PSMD11: variants seen among roughly 807,000 people sequenced by gnomAD.
The protein encoded by PSMD11 is 26S proteasome non-ATPase regulatory subunit 11.
PSMD11 carries 5 observed loss-of-function variants against 62.3 expected under a neutral mutation model. The ratio of observed to expected loss-of-function variants is 0.08; its 90% CI spans 0.04 to 0.17. The LOEUF (loss-of-function observed/expected upper bound fraction) is 0.17, where lower values mean the gene tolerates loss of function less well. PSMD11 is among the 10% of genes least tolerant of loss of function. The pLI is 1.00. For missense variants in PSMD11, 310 were observed against 512.9 expected, an observed-to-expected ratio of 0.60 and a Z score of 3.82; for synonymous variants, 191 against 191.8, an observed-to-expected ratio of 1.00 and a Z score of 0.03.
At chr17:32,466,459 A>G (rs548454077) in intron 5 of PSMD11, among the ~76,000 whole-genome samples, 28 of 152,312 alleles carry the variant, frequency 1.8e-4, no homozygotes, top group Non-Finnish European at 3.1e-4. Context: ...TTCACGTAGC[A>G]TTATGTTTTC....
At chr17:32,444,661 C>A (rs2150826566) in intron 1 of PSMD11, 47 bp downstream of exon 1, 1 of 1,603,624 alleles carries the variant, frequency 6.2e-7, no homozygotes, top group East Asian at 2.3e-5. Flanking sequence ...CCCAGCTCGG[C>A]TTATGTCGGT....
rs1419839284 is a variant in PSMD11 at position 32,482,165 on chromosome 17, G to A, written c.*1413G>A. ...TTATATTTTGTAAAAGGATTTTGTT[G>A]TACCAGGTTTTGCATCCTCACTGAA... is the stretch of plus-strand genomic sequence containing the variant. On this transcript the variant is annotated 3_prime_UTR_variant, in exon 14 of 14. Transcript: ENST00000261712. 6.6e-6 allele frequency: 1 copy of A among 151,408 alleles called. No individual in the cohort carries two copies. The highest frequency in any genetic ancestry group is 2.4e-5 in the African/African-American group (1 of 41,116). 9.4% of individuals were successfully genotyped at this position (151,408 alleles called of 1,614,324 possible).
chr17:32,474,781 C>T lies in PSMD11; in HGVS notation c.806C>T (p.Ala269Val). 1 of 1,614,106 alleles carries T rather than the reference C, an allele frequency of 6.2e-7. No individual in the cohort carries two copies. Among genetic ancestry groups the T allele is most frequent in the Non-Finnish European group, 8.5e-7 (1 of 1,179,992 alleles). The change falls in exon 8 of 14, where the codon GCT becomes GTT. Residue 269 changes from alanine (A) to valine (V), a missense_variant. Around this residue, in one of 6 missense-constraint regions of PSMD11, gnomAD observed 135 missense variants for 195.4 expected, o/e 0.69. Transcript: ENST00000261712. ...IMLNTPEDVQ[A>V]LVSGKLALRY... ...TTTTCTAGCCCAGAAGATGTCCAGGCTTTGGTGAGCGGGAAGCTTGCACTT... is the reference window on the plus strand; with the variant it reads ...TTTTCTAGCCCAGAAGATGTCCAGGTTTTGGTGAGCGGGAAGCTTGCACTT...
At chr17:32,477,968 C>T (rs1321949517) in intron 9 of PSMD11, 1 of 157,954 alleles carries the variant, frequency 6.3e-6, no homozygotes, top group East Asian at 1.8e-4. Context: ...GCTTGTTCCA[C>T]ATGACACAGT....
At chr17:32,452,115 G>A (rs1315398939) in intron 2 of PSMD11, among the ~76,000 whole-genome samples, 1 of 152,126 alleles carries the variant, frequency 6.6e-6, no homozygotes, top group African/African-American at 2.4e-5. Context: ...AGTTTTATTG[G>A]AACAAAGCCA....
intron 6 of PSMD11, among the ~76,000 whole-genome samples, chr17:32,472,473 C>T (rs1367957238): frequency 1.3e-5 from 2 of 151,756 alleles, no homozygotes. Flanking sequence ...ATCTGGCTGC[C>T]TTGGCCTCCC....
intron 3 of PSMD11, among the ~76,000 whole-genome samples, chr17:32,460,051 G>A (rs562216921): frequency 6.6e-6 from 1 of 152,280 alleles, no homozygotes; most frequent in East Asian, 1.9e-4. Context: ...TGAGGCCTGA[G>A]GCAAAATGGG....
chr17:32,471,921 T>C (rs1470209292), intron 6 of PSMD11, among the ~76,000 whole-genome samples: 1 of 151,924 alleles, frequency 6.6e-6, no homozygotes, highest in Admixed American at 6.6e-5. Context: ...CATGCTGCAG[T>C]GCATTTTTGC....
intron 1 of PSMD11, among the ~76,000 whole-genome samples, chr17:32,446,540 G>A (rs1907336199): frequency 6.6e-6 from 1 of 152,166 alleles, no homozygotes; most frequent in Non-Finnish European, 1.5e-5. Flanking sequence ...TTAGTTTGTG[G>A]CATAAACGCA....
Position 32,479,353 on chromosome 17 carries a change from A to T in PSMD11, c.1015A>T (p.Ile339Phe). 6.2e-7 allele frequency: 1 copy of T among 1,614,156 alleles called. No individual in the cohort carries two copies. The highest frequency in any genetic ancestry group is 8.5e-7 in the Non-Finnish European group (1 of 1,180,002). The stretch of plus-strand genomic sequence containing the variant: ...ACTAGAACAGAATCTGATCCGAGTC[A>T]TTGAGCCTTTTTCCAGAGTACAGGT... Reference protein sequence around the residue: ...NLLEQNLIRVIEPFSRVQIEH... With the variant: ...NLLEQNLIRVFEPFSRVQIEH... Residue 339 changes from isoleucine (I) to phenylalanine (F), a missense_variant, in exon 10 of 14, where the codon ATT becomes TTT. Physicochemically the swap from Ile to Phe is conservative, Grantham distance 21. This residue lies in a region of PSMD11 where 135 missense variants were observed against 195.4 expected (regional missense o/e 0.69). Coordinates refer to ENST00000261712, the MANE Select transcript of PSMD11 (RefSeq NM_002815.4).
intron 5 of PSMD11, among the ~76,000 whole-genome samples, 191 bp from the exon 6 acceptor site, chr17:32,468,808 G>A (rs937665426): frequency 6.6e-6 from 1 of 152,102 alleles, no homozygotes; most frequent in Non-Finnish European, 1.5e-5. Flanking sequence ...ACTTCAAAGA[G>A]GTGTGTTTTT....
Position 32,446,813 on chromosome 17 carries a change from T to C in PSMD11, c.92-132T>C. On this transcript the variant is annotated intron_variant, in intron 1 of 13. Coordinates refer to ENST00000261712, the MANE Select transcript of PSMD11 (RefSeq NM_002815.4). ...TTTTTCCTGGCTTAGAGTTTTTTTT[T>C]TTTTTTTAACTCTAGAATTTGTCTT... 8.4e-6 allele frequency: 4 copies of C among 476,320 alleles called. No homozygotes were observed. The South Asian group carries it at 1.2e-4, about 15-fold the overall frequency. 29.5% of individuals were successfully genotyped at this position (476,320 alleles called of 1,614,324 possible). A position where few individuals can be genotyped will look rare whatever the true frequency, so the allele number is the denominator to read the frequency against.
rs1478229705 is a variant in PSMD11, at chr17:32,480,543, A to G, written c.1181A>G (p.Asp394Gly). The stretch of plus-strand genomic sequence containing the variant: ...ATTATTTTCGATGAACCCCCAGTAG[A>G]TAAAACTTACGAAGCTGCTCTGGAA... ...VLIIFDEPPV[D>G]KTYEAALETI... Residue 394 changes from aspartate to glycine, a missense_variant, in exon 13 of 14, where the codon GAT becomes GGT. Transcript: ENST00000261712. 1.4e-5 allele frequency: 22 copies of G among 1,614,130 alleles called. No individual in the cohort carries two copies. Among genetic ancestry groups the G allele is most frequent in the Non-Finnish European group, 1.5e-5 (18 of 1,179,992 alleles).
Position 32,479,471 on chromosome 17 carries a change from G to A in PSMD11, c.1038+95G>A, listed in dbSNP as rs1432270279. The A allele has an allele frequency of 4.0e-6, 6 of 1,494,962 alleles. No individual in the cohort carries two copies. In the East Asian group the frequency reaches 1.1e-4, roughly 28 times the overall value. 92.6% of individuals were successfully genotyped at this position (1,494,962 alleles called of 1,614,324 possible). ...TCCAGAATGGGAACTCACTTCTAGG[G>A]GTGTGCCTGGTGGGCAAGAGGCCAC... On this transcript the variant is annotated intron_variant, in intron 10 of 13. Transcript: ENST00000261712.
intron 6 of PSMD11, 137 bp downstream of exon 6, chr17:32,469,330 C>G: frequency 3.4e-5 from 29 of 864,450 alleles, no homozygotes; most frequent in Non-Finnish European, 4.7e-5. Context: ...AGTTAGAAAG[C>G]TACCTTTCTA....
chr17:32,477,781 T>C, intron 9 of PSMD11, 198 bp downstream of exon 9: 1 of 384,636 alleles, frequency 2.6e-6, no homozygotes, highest in Non-Finnish European at 4.6e-6. Context: ...TGATATAAAA[T>C]ATATATTATT....
At chr17:32,470,839 T>C (rs1196680762) in intron 6 of PSMD11, among the ~76,000 whole-genome samples, 2 of 152,214 alleles carry the variant, frequency 1.3e-5, no homozygotes, top group African/African-American at 4.8e-5. Context: ...GAAGGGGCTT[T>C]CCTTAGCTAC....
intron 3 of PSMD11, among the ~76,000 whole-genome samples, chr17:32,462,603 A>C (rs1257453502): frequency 6.6e-6 from 1 of 152,236 alleles, no homozygotes; most frequent in East Asian, 1.9e-4. Context: ...ATTTATTTAC[A>C]GAGCTAGAAT....
At chr17:32,447,366 A>C (rs1907361518) in intron 2 of PSMD11, 2 of 201,252 alleles carry the variant, frequency 9.9e-6, no homozygotes, top group Non-Finnish European at 2.0e-5. Flanking sequence ...AGCAACTCTG[A>C]TGTATTTAAG....
Sources: gnomAD v4.1 joint callset for allele counts (sites outside exome capture counted in the v4.1 genomes callset) on GRCh38, gnomAD v4.1.1 for gene constraint, gnomAD v4.1.1 regional missense constraint, MANE v1.5 for transcripts, NCBI Gene and HGNC (gene_info 2026-07-23, HGNC 2026-07-21) for gene names.